Variants in DPYD observed in about 807,000 individuals in gnomAD.
DPYD encodes the protein dihydropyrimidine dehydrogenase, also known as dihydropyrimidine dehydrogenase [NADP(+)].
DPYD carries 109 observed loss-of-function variants against 116.2 expected under a neutral mutation model. That is an observed-to-expected ratio of 0.94 (90% CI 0.80 to 1.10). The LOEUF is 1.10. Among genes scored for constraint, DPYD ranks in the 50% least tolerant of loss-of-function variants. The probability of loss-of-function intolerance (pLI) is 0.00; values close to 1 mark genes in which losing one functional copy is unlikely to be tolerated. For missense variants in DPYD, 1,302 were observed against 1,254.5 expected (o/e 1.04, Z -0.57); for synonymous variants, 440 against 432.0 (o/e 1.02, Z -0.23).
At chr1:97,247,911 G>T (rs563660761) in intron 18 of DPYD, among the ~76,000 whole-genome samples, 1 of 152,158 alleles carries the variant, frequency 6.6e-6, no homozygotes, top group Non-Finnish European at 1.5e-5. Flanking sequence ...AGATGGCTTC[G>T]CTGGTAAATT....
intron 20 of DPYD, among the ~76,000 whole-genome samples, chr1:97,101,217 A>G (rs1044057832): frequency 6.6e-6 from 1 of 151,972 alleles, no homozygotes; most frequent in Non-Finnish European, 1.5e-5. Flanking sequence ...CTCAGAGACT[A>G]AGGTATAGTA....
chr1:97,793,831 C>A (rs139220381), intron 3 of DPYD, among the ~76,000 whole-genome samples: 1,797 of 152,176 alleles, frequency 0.012, 13 homozygotes, highest in Middle Eastern at 0.044. Context: ...GATATGACAC[C>A]AAAATACACA....
intron 12 of DPYD, chr1:97,545,602 C>T: frequency 1.9e-6 from 1 of 523,478 alleles, no homozygotes. Flanking sequence ...GGAAGATATT[C>T]AGTGGACTGC....
rs1676330398 is a variant in DPYD, at chr1:97,450,144, A to T, written c.1820T>A (p.Phe607Tyr). ...GPMYGPGQSS[F>Y]LNIELISEKT... ...CTCACTGATGAGCTCAATATTCAGA[A>T]AGGAGCTTTGTCCAGGGCCATACAT... Residue 607 changes from phenylalanine (F) to tyrosine (Y), a missense_variant, in exon 14 of 23, where the codon TTT (phenylalanine) becomes TAT (tyrosine). Phe to Tyr is a conservative substitution (Grantham distance 22). Coordinates refer to ENST00000370192, the MANE Select transcript of DPYD (RefSeq NM_000110.4). 2.5e-6 allele frequency: 4 copies of T among 1,613,984 alleles called. No homozygotes were observed. Among genetic ancestry groups the T allele is most frequent in the Non-Finnish European group, 2.5e-6 (3 of 1,179,902 alleles).
intron 12 of DPYD, among the ~76,000 whole-genome samples, chr1:97,530,296 C>A (rs995321503): frequency 6.8e-6 from 1 of 147,484 alleles, no homozygotes; most frequent in African/African-American, 2.5e-5. Context: ...CAGCTCACTG[C>A]AAACTCTGCC....
At chr1:97,315,723 T>A (rs139333530) in intron 16 of DPYD, among the ~76,000 whole-genome samples, 1 of 152,098 alleles carries the variant, frequency 6.6e-6, no homozygotes, top group Non-Finnish European at 1.5e-5. Flanking sequence ...TCAAATTTCT[T>A]CTGAATTCTA....
At chr1:97,315,065 C>G (rs1558021736) in intron 16 of DPYD, among the ~76,000 whole-genome samples, 1 of 151,964 alleles carries the variant, frequency 6.6e-6, no homozygotes, top group South Asian at 2.1e-4. Context: ...AGTCGCATAA[C>G]TTTTCACGAG....
intron 19 of DPYD, among the ~76,000 whole-genome samples, chr1:97,210,890 G>C (rs1349767086): frequency 6.6e-6 from 1 of 152,016 alleles, no homozygotes; most frequent in Non-Finnish European, 1.5e-5. Context: ...AAATCTTGTA[G>C]CACTACTTCA....
chr1:97,551,089 A>G (rs1055940713), intron 11 of DPYD, among the ~76,000 whole-genome samples: 1 of 152,140 alleles, frequency 6.6e-6, no homozygotes, highest in African/African-American at 2.4e-5. Flanking sequence ...AGGACACTCA[A>G]TTGGATTGAT....
chr1:97,375,729 G>A (rs1671574023), intron 15 of DPYD, among the ~76,000 whole-genome samples: 1 of 152,202 alleles, frequency 6.6e-6, no homozygotes, highest in African/African-American at 2.4e-5. Context: ...AATATGACCT[G>A]TCTCAAAACC....
intron 14 of DPYD, among the ~76,000 whole-genome samples, chr1:97,385,515 A>AT (rs34719218): frequency 7.0e-6 from 1 of 142,934 alleles, no homozygotes. Flanking sequence ...TTTTTAGAAA[A>AT]TTTTTTTCTT....
chr1:97,124,713 C>T (rs549658143), intron 20 of DPYD, among the ~76,000 whole-genome samples: 115 of 152,226 alleles, frequency 7.6e-4, no homozygotes, highest in African/African-American at 2.7e-3. Context: ...AATTTTCCTG[C>T]ATCTTTGCAC....
intron 8 of DPYD, among the ~76,000 whole-genome samples, chr1:97,637,558 AG>A (rs1657642558): frequency 6.6e-6 from 1 of 152,034 alleles, no homozygotes; most frequent in African/African-American, 2.4e-5. Flanking sequence ...AACCAGGCAA[AG>A]GACTAAAGAG....
intron 18 of DPYD, among the ~76,000 whole-genome samples, chr1:97,254,427 C>T (rs1663313417): frequency 6.6e-6 from 1 of 152,066 alleles, no homozygotes; most frequent in African/African-American, 2.4e-5. Context: ...TCTTTGCTGA[C>T]ACTTTTTTAG....
intron 3 of DPYD, among the ~76,000 whole-genome samples, chr1:97,756,157 A>T (rs796924211): frequency 1.3e-5 from 2 of 152,218 alleles, no homozygotes; most frequent in South Asian, 4.1e-4. Flanking sequence ...TAGTATGTTG[A>T]ATAAAAATAA....
intron 3 of DPYD, among the ~76,000 whole-genome samples, chr1:97,787,982 C>T (rs1481954427): frequency 6.6e-6 from 1 of 152,176 alleles, no homozygotes; most frequent in Non-Finnish European, 1.5e-5. Flanking sequence ...CATTGCAACA[C>T]AATGTGAAAA....
intron 20 of DPYD, among the ~76,000 whole-genome samples, chr1:97,108,506 G>C (rs1175680565): frequency 6.6e-6 from 1 of 152,100 alleles, no homozygotes; most frequent in African/African-American, 2.4e-5. Context: ...AACATTCTGA[G>C]TCTATTAGGC....
intron 20 of DPYD, among the ~76,000 whole-genome samples, chr1:97,165,287 C>T (rs1303192925): frequency 6.6e-6 from 1 of 152,014 alleles, no homozygotes; most frequent in Non-Finnish European, 1.5e-5. Context: ...CACCTACAAC[C>T]AACTAATCAT....
At chr1:97,501,011 A>G (rs958621611) in intron 13 of DPYD, among the ~76,000 whole-genome samples, 1 of 152,068 alleles carries the variant, frequency 6.6e-6, no homozygotes, top group African/African-American at 2.4e-5. Context: ...CACCTCTCAG[A>G]TCTTATTGAC....
Sources: gnomAD v4.1 joint callset for allele counts (sites outside exome capture counted in the v4.1 genomes callset) on GRCh38, gnomAD v4.1.1 for gene constraint, MANE v1.5 for transcripts, NCBI Gene and HGNC (gene_info 2026-07-23, HGNC 2026-07-21) for gene names.